The following TMEM117 variants were observed in gnomAD, a reference collection of about 807,000 sequenced individuals.
The protein encoded by TMEM117 is transmembrane protein 117.
TMEM117 carries 27 observed loss-of-function variants against 52.4 expected under a neutral mutation model. The ratio of observed to expected loss-of-function variants is 0.51; its 90% CI spans 0.38 to 0.71. The LOEUF (loss-of-function observed/expected upper bound fraction) is 0.71, where lower values mean the gene tolerates loss of function less well. TMEM117 is among the 30% of genes least tolerant of loss of function. The pLI is 0.00. For synonymous variants in TMEM117, 215 were observed against 206.3 expected (o/e 1.04, Z -0.36); for missense variants, 556 against 630.5 (o/e 0.88, Z 1.26).
At chr12:44,390,291 C>G (rs1592737403), downstream of TMEM117, among the ~76,000 whole-genome samples, 1 of 151,760 alleles carries the variant, frequency 6.6e-6, no homozygotes, top group Admixed American at 6.6e-5. Flanking sequence ...AAGGAACTTA[C>G]CATGTATGTC....
intron 2 of TMEM117, among the ~76,000 whole-genome samples, chr12:43,864,020 A>G (rs1039518496): frequency 4.6e-5 from 7 of 152,150 alleles, no homozygotes; most frequent in Non-Finnish European, 7.4e-5. Context: ...CTGGACAGTG[A>G]GGGGCTTAGC....
chr12:43,952,190 A>G (rs907145906), intron 3 of TMEM117, among the ~76,000 whole-genome samples: 2 of 152,094 alleles, frequency 1.3e-5, no homozygotes, highest in Admixed American at 6.5e-5. Flanking sequence ...GGAAAAACCA[A>G]TGCAAAAATG....
upstream of TMEM117, among the ~76,000 whole-genome samples, chr12:43,834,726 G>C (rs529604069): frequency 2.6e-5 from 4 of 152,282 alleles, no homozygotes; most frequent in African/African-American, 9.6e-5. Flanking sequence ...AGACACCCAT[G>C]TAGTTCAATT....
intron 5 of TMEM117, among the ~76,000 whole-genome samples, chr12:44,265,235 T>C (rs959888596): frequency 3.3e-5 from 5 of 152,162 alleles, no homozygotes; most frequent in African/African-American, 1.2e-4. Flanking sequence ...GAGGCTGTTA[T>C]GATCCAGAAA....
rs556784004 is a variant in TMEM117, at chr12:44,184,965, C to A, written c.511-26325C>A. Among the ~76,000 whole-genome samples, 133 of 152,268 alleles carry A rather than the reference C, an allele frequency of 8.7e-4. 1 individual carries two copies. The highest frequency in any genetic ancestry group is 2.8e-3 in the African/African-American group (116 of 41,566). ...TACGCCTCCCTCTGCCTAGATGGTG[C>A]TTTTCTTATTCCTTAAGGTAAGCCC... is the stretch of plus-strand genomic sequence containing the variant. On this transcript the variant is annotated intron_variant, in intron 4 of 7. Coordinates refer to ENST00000266534, the MANE Select transcript of TMEM117 (RefSeq NM_032256.3).
chr12:44,329,166 T>C (rs1951234982), intron 6 of TMEM117, among the ~76,000 whole-genome samples: 1 of 152,052 alleles, frequency 6.6e-6, no homozygotes, highest in East Asian at 1.9e-4. Flanking sequence ...AAATGTAATA[T>C]GAAATTACAT....
At chr12:44,043,001 C>T (rs1389454627) in intron 3 of TMEM117, among the ~76,000 whole-genome samples, 2 of 152,098 alleles carry the variant, frequency 1.3e-5, no homozygotes, top group Admixed American at 6.5e-5. Flanking sequence ...ACTGATTAGT[C>T]CTCAGCGTGA....
chr12:43,861,409 A>AG (rs1943487362), intron 2 of TMEM117, among the ~76,000 whole-genome samples: 1 of 152,114 alleles, frequency 6.6e-6, no homozygotes, highest in African/African-American at 2.4e-5. Context: ...AATGACTCTT[A>AG]TCTGTTTTTT....
chr12:44,231,307 G>A (rs992685163), intron 5 of TMEM117, among the ~76,000 whole-genome samples: 10 of 151,414 alleles, frequency 6.6e-5, no homozygotes, highest in African/African-American at 2.4e-4. Context: ...GTTTTAGAGT[G>A]TATCTCTAGT....
At chr12:44,024,387 C>T in intron 3 of TMEM117, among the ~76,000 whole-genome samples, 1 of 152,124 alleles carries the variant, frequency 6.6e-6, no homozygotes, top group East Asian at 1.9e-4. Context: ...GAGCAGTCCT[C>T]ACCGTTACAG....
chr12:43,804,133 T>C, the TMEM117 span: 4 of 355,014 alleles, frequency 1.1e-5, no homozygotes, highest in East Asian at 2.3e-4. Context: ...ACAAACTTAA[T>C]TGAATAATTC....
chr12:43,822,902 GA>G, the TMEM117 span, among the ~76,000 whole-genome samples: 6,786 of 128,386 alleles, frequency 0.053, 192 homozygotes, highest in Middle Eastern at 0.16. Flanking sequence ...ACCCTGTCTC[GA>G]AAAAAAAAAA....
chr12:44,253,880 T>C (rs1368814571), intron 5 of TMEM117, among the ~76,000 whole-genome samples: 1 of 141,100 alleles, frequency 7.1e-6, no homozygotes, highest in Non-Finnish European at 1.5e-5. Flanking sequence ...ACACACACCT[T>C]CTCTCTCTCA....
At chr12:44,332,810 A>C (rs1249450584) in intron 6 of TMEM117, among the ~76,000 whole-genome samples, 1 of 151,888 alleles carries the variant, frequency 6.6e-6, no homozygotes, top group African/African-American at 2.4e-5. Flanking sequence ...CCTAAATTGA[A>C]TATCAGCATT....
intron 3 of TMEM117, among the ~76,000 whole-genome samples, chr12:43,954,144 C>T (rs1054798710): frequency 6.6e-6 from 1 of 152,158 alleles, no homozygotes; most frequent in Non-Finnish European, 1.5e-5. Context: ...TTCTGGGATG[C>T]AGCTAAAGCA....
chr12:43,900,726 A>AAG (rs1304231258), intron 2 of TMEM117, among the ~76,000 whole-genome samples: 1 of 151,654 alleles, frequency 6.6e-6, no homozygotes, highest in African/African-American at 2.4e-5. Context: ...TCAAAAAAAA[A>AAG]AAAAATTATT....
intron 6 of TMEM117, among the ~76,000 whole-genome samples, chr12:44,304,917 T>G (rs1410139386): frequency 6.6e-6 from 1 of 152,216 alleles, no homozygotes; most frequent in Non-Finnish European, 1.5e-5. Flanking sequence ...ATATTCCTTC[T>G]ACTTGAGGAA....
chr12:43,873,578 GA>G (rs1943741527), intron 2 of TMEM117, among the ~76,000 whole-genome samples: 3 of 151,744 alleles, frequency 2.0e-5, no homozygotes, highest in African/African-American at 7.3e-5. Context: ...GCTGAGGCAG[GA>G]AAACATTCGT....
intron 2 of TMEM117, among the ~76,000 whole-genome samples, chr12:43,905,138 G>A (rs560737143): frequency 1.2e-4 from 17 of 141,644 alleles, no homozygotes; most frequent in African/African-American, 4.9e-4. Context: ...AGCAAAACTC[G>A]GTCTCAAAAA....
Sources: gnomAD v4.1 joint callset for allele counts (sites outside exome capture counted in the v4.1 genomes callset) on GRCh38, gnomAD v4.1.1 for gene constraint, MANE v1.5 for transcripts, NCBI Gene and HGNC (gene_info 2026-07-23, HGNC 2026-07-21) for gene names.